Variants in CFAP20DC observed in about 807,000 individuals in gnomAD.
The protein encoded by CFAP20DC is protein CFAP20DC.
Under a neutral mutation model 101.7 loss-of-function variants are expected in CFAP20DC, and 84 were observed. The observed-to-expected ratio is 0.83, with a 90% confidence interval of 0.69 to 0.99. The LOEUF (loss-of-function observed/expected upper bound fraction) is 0.99. CFAP20DC is among the 50% of genes least tolerant of loss of function. The probability of loss-of-function intolerance (pLI) is 0.00; values close to 1 mark genes in which losing one functional copy is unlikely to be tolerated. For synonymous variants in CFAP20DC, 359 were observed against 351.2 expected (o/e 1.02, Z -0.25); for missense variants, 1,007 against 970.3 (o/e 1.04, Z -0.50).
chr3:58,733,510 G>A (rs1208278265), intron 3 of CFAP20DC, among the ~76,000 whole-genome samples: 2 of 151,972 alleles, frequency 1.3e-5, no homozygotes, highest in South Asian at 2.1e-4. Context: ...AAGAATAAAA[G>A]TAAAAAAAAC....
At chr3:58,817,748 T>C (rs1412718062) in intron 14 of CFAP20DC, among the ~76,000 whole-genome samples, 1 of 151,848 alleles carries the variant, frequency 6.6e-6, no homozygotes, top group Non-Finnish European at 1.5e-5. Context: ...TTCCCCAATC[T>C]AGAAAGGCAG....
intron 4 of CFAP20DC, among the ~76,000 whole-genome samples, chr3:58,954,965 T>C (rs2090489480): frequency 6.6e-6 from 1 of 151,844 alleles, no homozygotes; most frequent in South Asian, 2.1e-4. Context: ...AAAAAACCAC[T>C]TGTACCCAAA....
At chr3:58,840,624 C>T (rs2077035951) in intron 13 of CFAP20DC, among the ~76,000 whole-genome samples, 1 of 152,120 alleles carries the variant, frequency 6.6e-6, no homozygotes, top group African/African-American at 2.4e-5. Context: ...GAGCCACCAC[C>T]CCTGTAGAAC....
At chr3:58,884,521 T>C (rs1559763527) in intron 7 of CFAP20DC, 24 bp downstream of exon 7, 2 of 1,609,640 alleles carry the variant, frequency 1.2e-6, no homozygotes, top group East Asian at 2.2e-5. Flanking sequence ...ATTACACTTA[T>C]AATTTAGGTG....
chr3:58,752,960 G>C (rs944226031), intron 16 of CFAP20DC, among the ~76,000 whole-genome samples: 2 of 152,070 alleles, frequency 1.3e-5, no homozygotes, highest in African/African-American at 4.8e-5. Context: ...AACTGTCTGA[G>C]AGAGTCCCAC....
chr3:59,018,150 G>C (rs2093728477), intron 4 of CFAP20DC: 1 of 152,082 alleles, frequency 6.6e-6, no homozygotes, highest in South Asian at 2.1e-4. Flanking sequence ...ACAAAGATCA[G>C]ATAATTTTTG....
At position 59,015,804 on chromosome 3, in the gene CFAP20DC, G is replaced by C. The variant is rs1383226834; in HGVS notation, c.278+23753C>G. On this transcript the variant is annotated intron_variant, in intron 4 of 16. Transcript: ENST00000482387. The surrounding 1 kb of genome is among the most constrained non-coding windows in gnomAD (Gnocchi z 5.4). ...GGTCTGTTCCCAAGGCTAAACAAAA[G>C]AGATGGAGGCTGTAGAGCTGGGGAC... Among the ~76,000 whole-genome samples the C allele has an allele frequency of 6.6e-6, 1 of 152,108 alleles. No homozygotes were observed. Among genetic ancestry groups the C allele is most frequent in the Non-Finnish European group, 1.5e-5 (1 of 68,008 alleles).
chr3:58,978,121 G>GA (rs1184525295), intron 4 of CFAP20DC, among the ~76,000 whole-genome samples: 2 of 152,026 alleles, frequency 1.3e-5, no homozygotes, highest in African/African-American at 4.8e-5. Flanking sequence ...CAAAAAGAGA[G>GA]AAAAAAATGC....
At chr3:58,881,226 A>G (rs1437424731) in intron 7 of CFAP20DC, among the ~76,000 whole-genome samples, 1 of 152,188 alleles carries the variant, frequency 6.6e-6, no homozygotes, top group East Asian at 1.9e-4. Flanking sequence ...TAAAAATCCA[A>G]TAAGATGGCT....
chr3:58,716,930 G>C (rs1332410253), downstream of CFAP20DC, among the ~76,000 whole-genome samples: 1 of 152,160 alleles, frequency 6.6e-6, no homozygotes, highest in East Asian at 1.9e-4. Flanking sequence ...CTTGGTTGTA[G>C]GAGTGGCCAG....
intron 4 of CFAP20DC, among the ~76,000 whole-genome samples, chr3:58,979,739 C>G (rs982943486): frequency 2.0e-5 from 3 of 152,038 alleles, no homozygotes; most frequent in African/African-American, 2.4e-5. Flanking sequence ...GCCTCATTTT[C>G]TGAACCATAT....
chr3:58,955,295 G>T (rs2090525639), intron 4 of CFAP20DC, among the ~76,000 whole-genome samples: 1 of 152,100 alleles, frequency 6.6e-6, no homozygotes, highest in African/African-American at 2.4e-5. Context: ...ACTTCATATT[G>T]CTGAAAAAAG....
chr3:58,931,596 C>T lies in CFAP20DC; in HGVS notation c.393+6052G>A, dbSNP rs1020303493. Among the ~76,000 whole-genome samples the T allele has an allele frequency of 3.3e-5, 5 of 152,334 alleles. No individual in the cohort carries two copies. In the South Asian group the frequency reaches 1.0e-3, roughly 32 times the overall value. On this transcript the variant is annotated intron_variant, in intron 5 of 16. Coordinates refer to ENST00000482387, the MANE Select transcript of CFAP20DC (RefSeq NM_001394063.1). Reference sequence around the variant, plus strand: ...CAAAACTTCCAGAGGAACGATCAGACAGCAGCATTCGCGGTTCATGAAAAT... The same window carrying T: ...CAAAACTTCCAGAGGAACGATCAGATAGCAGCATTCGCGGTTCATGAAAAT...
At chr3:58,822,209 T>C (rs2075709108) in intron 14 of CFAP20DC, among the ~76,000 whole-genome samples, 1 of 146,892 alleles carries the variant, frequency 6.8e-6, no homozygotes, top group Non-Finnish European at 1.5e-5. Flanking sequence ...GAGGAGTTAG[T>C]GGGTGCAGCA....
chr3:58,746,667 C>T (rs576067918), intron 16 of CFAP20DC, among the ~76,000 whole-genome samples: 5 of 152,142 alleles, frequency 3.3e-5, no homozygotes, highest in East Asian at 1.9e-4. Context: ...GGGACCCTCG[C>T]GCATTATAAC....
At chr3:58,775,516 AT>A (rs937430232) in intron 15 of CFAP20DC, among the ~76,000 whole-genome samples, 2 of 152,168 alleles carry the variant, frequency 1.3e-5, no homozygotes, top group Non-Finnish European at 2.9e-5. Context: ...TATGTAAATA[AT>A]TCACCTAAAA....
At chr3:58,766,626 G>T (rs1162658357) in intron 15 of CFAP20DC, among the ~76,000 whole-genome samples, 1 of 152,196 alleles carries the variant, frequency 6.6e-6, no homozygotes, top group Non-Finnish European at 1.5e-5. Context: ...TCAGGAGAAA[G>T]ACCAGGACCA....
rs527932803 is a variant in CFAP20DC at position 59,002,291 on chromosome 3, C to T, written c.278+37266G>A. On this transcript the variant is annotated intron_variant, in intron 4 of 16. Coordinates refer to ENST00000482387, the MANE Select transcript of CFAP20DC (RefSeq NM_001394063.1). This position sits in a 1 kb window ranked among gnomAD's most constrained non-coding sequence, Gnocchi z 4.5. ...CACATGCTGAATAATTAGCTTCCCT[C>T]CTAAGGGATACATGATCCCACCTTA... Among the ~76,000 whole-genome samples the T allele has an allele frequency of 1.3e-5, 2 of 152,178 alleles. 1 individual carries two copies. Among genetic ancestry groups the T allele is most frequent in the South Asian group, 4.1e-4 (2 of 4,822 alleles).
intron 4 of CFAP20DC, among the ~76,000 whole-genome samples, chr3:59,036,837 A>C (rs562887946): frequency 3.7e-4 from 56 of 152,296 alleles, no homozygotes; most frequent in African/African-American, 1.2e-3. Context: ...AATCCTAAGC[A>C]AAAAGAACAA....
Sources: allele counts gnomAD v4.1 joint callset (sites outside exome capture counted in the v4.1 genomes callset), GRCh38; gene constraint gnomAD v4.1.1; non-coding constraint Gnocchi (gnomAD v3.1); transcripts MANE v1.5; gene names NCBI Gene and HGNC (gene_info 2026-07-23, HGNC 2026-07-21).